GJB6: variants seen among roughly 807,000 people sequenced by gnomAD.
The protein encoded by GJB6 is gap junction protein beta 6.
A neutral mutation model predicts 5.4 loss-of-function variants in GJB6; 5 were observed. The ratio of observed to expected loss-of-function variants is 0.92; its 90% CI spans 0.48 to 1.93. GJB6 has a LOEUF of 1.93. Among genes scored for constraint, GJB6 ranks in the 30% most tolerant of loss-of-function variants. The pLI is 0.01. For missense variants in GJB6, 298 were observed against 326.9 expected (o/e 0.91, Z 0.68); for synonymous variants, 136 against 129.6 (o/e 1.05, Z -0.34).
chr13:20,228,777 C>G (rs975595112), intron 4 of GJB6, among the ~76,000 whole-genome samples: 1 of 151,976 alleles, frequency 6.6e-6, no homozygotes, highest in South Asian at 2.1e-4. Flanking sequence ...AGCCACCGCG[C>G]CCGGCCCATG....
intron 1 of GJB6, among the ~76,000 whole-genome samples, chr13:20,231,710 C>T (rs908077927): frequency 9.8e-5 from 15 of 152,318 alleles, no homozygotes; most frequent in African/African-American, 3.6e-4. Context: ...GGGGACACCC[C>T]GGTGACCCAC....
intron 4 of GJB6, among the ~76,000 whole-genome samples, chr13:20,229,123 C>CAA (rs5802041): frequency 0.045 from 1,969 of 43,782 alleles, 60 homozygotes; most frequent in Admixed American, 0.078. Context: ...TGTCATTTAG[C>CAA]AAAAAAAAAA....
chr13:20,231,765 G>C (rs1870097754), intron 1 of GJB6, among the ~76,000 whole-genome samples: 1 of 152,228 alleles, frequency 6.6e-6, no homozygotes, highest in Non-Finnish European at 1.5e-5. Context: ...ACGGGGGAAA[G>C]GGGCACCGGC....
At chr13:20,230,063 C>T (rs1869980792) in intron 3 of GJB6, 1 of 151,900 alleles carries the variant, frequency 6.6e-6, no homozygotes, top group Non-Finnish European at 1.5e-5. Context: ...CACCCTGATC[C>T]CCAAATCAGT....
Position 20,222,972 on chromosome 13 carries a change from C to T in GJB6, c.509G>A (p.Gly170Glu). The T allele has an allele frequency of 6.2e-7, 1 of 1,614,108 alleles. No individual in the cohort carries two copies. The highest frequency in any genetic ancestry group is 2.2e-5 in the East Asian group (1 of 44,884). ...AACAAGGTTGGGGCAGGGGTCAATC[C>T]CACATTTCAACACCCAGGGCAGGTG... ...GYHLPWVLKC[G>E]IDPCPNLVDC... is the part of the protein sequence containing the mutation. Residue 170 changes from glycine to glutamate, a missense_variant, in exon 5 of 5, where the codon GGG becomes GAG. Transcript: ENST00000647029.
intron 4 of GJB6, among the ~76,000 whole-genome samples, chr13:20,228,483 TTTG>T (rs774187492): frequency 0.13 from 18,706 of 142,732 alleles, 1,754 homozygotes; most frequent in East Asian, 0.28. Flanking sequence ...GTTTTTTGTT[TTTG>T]TTTTTTGTTT....
intron 1 of GJB6, among the ~76,000 whole-genome samples, chr13:20,231,751 T>C (rs1870097010): frequency 6.6e-6 from 1 of 152,098 alleles, no homozygotes; most frequent in African/African-American, 2.4e-5. Context: ...ACGCAGCAAA[T>C]GAAACGGGGG....
At chr13:20,224,290 C>G (rs936306469) in intron 4 of GJB6, among the ~76,000 whole-genome samples, 1 of 152,208 alleles carries the variant, frequency 6.6e-6, no homozygotes, top group African/African-American at 2.4e-5. Context: ...AAACAAAATA[C>G]TTATTAGCTT....
At position 20,222,983 on chromosome 13, in the gene GJB6, C is replaced by T. The variant is rs767044398; in HGVS notation, c.498G>A (p.Val166=). The change falls in exon 5 of 5, where the codon GTG becomes GTA. Residue 166 remains valine, a synonymous_variant. Transcript: ENST00000647029. ...FLYNGYHLPW[V]LKCGIDPCPN... is the part of the protein sequence containing the mutation. ...GGCAGGGGTCAATCCCACATTTCAA[C>T]ACCCAGGGCAGGTGGTACCCATTGT... The T allele has an allele frequency of 7.4e-6, 12 of 1,614,042 alleles. No homozygotes were observed. The highest frequency in any genetic ancestry group is 1.0e-5 in the Non-Finnish European group (12 of 1,180,022).
At position 20,223,145 on chromosome 13, in the gene GJB6, C is replaced by T; in HGVS notation, c.336G>A (p.Arg112=). The change falls in exon 5 of 5, where the codon AGG becomes AGA. Residue 112 remains arginine, a synonymous_variant. Coordinates refer to ENST00000647029, the MANE Select transcript of GJB6 (RefSeq NM_001110219.3). ...TGTCCTCTATGTCTTTGAAATCATT[C>T]CTCTTCTCTCCTCGCCTGAACTTGC... ...TTRKFRRGEK[R]NDFKDIEDIK... The T allele has an allele frequency of 6.2e-7, 1 of 1,614,086 alleles. No homozygotes were observed. Among genetic ancestry groups the T allele is most frequent in the Non-Finnish European group, 8.5e-7 (1 of 1,179,914 alleles).
chr13:20,226,742 A>C (rs1411313539), intron 4 of GJB6, among the ~76,000 whole-genome samples: 3 of 152,232 alleles, frequency 2.0e-5, no homozygotes, highest in African/African-American at 7.2e-5. Flanking sequence ...TATAAAATGA[A>C]GATGTTTTCT....
In GJB6 at chr13:20,223,374, A is replaced by G; in HGVS notation, c.107T>C (p.Leu36Pro). Residue 36 changes from leucine to proline, a missense_variant, in exon 5 of 5, where the codon CTC becomes CCC. Leu to Pro is a moderately conservative substitution (Grantham distance 98, BLOSUM62 -3). Transcript: ENST00000647029. ...CCACACTTCCTGGGCAGCCACCACG[A>G]GGATCATGACTCGGAAAATAAAGAT... is the stretch of plus-strand genomic sequence containing the variant. The part of the protein sequence containing the change: ...TVIFIFRVMI[L>P]VVAAQEVWGD... 4 of 1,614,184 alleles carry G rather than the reference A, an allele frequency of 2.5e-6. No individual in the cohort carries two copies. The highest frequency in any genetic ancestry group is 3.4e-6 in the Non-Finnish European group (4 of 1,180,018).
intron 4 of GJB6, among the ~76,000 whole-genome samples, chr13:20,227,766 C>T (rs1869696638): frequency 6.6e-6 from 1 of 152,248 alleles, no homozygotes; most frequent in Non-Finnish European, 1.5e-5. Context: ...TGCGGGTTAT[C>T]AAGCCCCCAA....
intron 4 of GJB6, among the ~76,000 whole-genome samples, chr13:20,225,941 G>C (rs558180037): frequency 6.6e-6 from 1 of 152,104 alleles, no homozygotes; most frequent in African/African-American, 2.4e-5. Context: ...CCTTATCAGC[G>C]GGACATCAGC....
chr13:20,231,708 C>G (rs1410238269), intron 1 of GJB6, among the ~76,000 whole-genome samples: 1 of 152,184 alleles, frequency 6.6e-6, no homozygotes, highest in African/African-American at 2.4e-5. Context: ...AAGGGGACAC[C>G]CCGGTGACCC....
intron 4 of GJB6, among the ~76,000 whole-genome samples, chr13:20,228,777 C>T (rs975595112): frequency 2.6e-5 from 4 of 151,976 alleles, no homozygotes; most frequent in Admixed American, 2.0e-4. Context: ...AGCCACCGCG[C>T]CCGGCCCATG....
In GJB6 at chr13:20,222,942, C is replaced by A; in HGVS notation, c.539G>T (p.Cys180Phe). The part of the protein sequence containing the change: ...GIDPCPNLVD[C>F]FISRPTEKTV... ...CTTCTCTGTTGGCCTAGAAATAAAG[C>A]AGTCAACAAGGTTGGGGCAGGGGTC... The change falls in exon 5 of 5, where the codon TGC becomes TTC. Residue 180 changes from cysteine to phenylalanine, a missense_variant. Transcript: ENST00000647029. 1 of 1,614,098 alleles carries A rather than the reference C, an allele frequency of 6.2e-7. No individual in the cohort carries two copies. Among genetic ancestry groups the A allele is most frequent in the Non-Finnish European group, 8.5e-7 (1 of 1,179,978 alleles).
At position 20,232,287 on chromosome 13, in the gene GJB6, CTGTCGGGCTCTCGTCGGGTTTCGGG is replaced by C. The variant is rs914832592; in HGVS notation, c.-538_-514del. 3.3e-5 allele frequency: 5 copies of C among 152,080 alleles called. No individual in the cohort carries two copies. Among genetic ancestry groups the C allele is most frequent in the African/African-American group, 1.2e-4 (5 of 41,532 alleles). 9.4% of individuals were successfully genotyped at this position (152,080 alleles called of 1,614,324 possible). On this transcript the variant is annotated 5_prime_UTR_variant, in exon 1 of 5. Coordinates refer to ENST00000647029, the MANE Select transcript of GJB6 (RefSeq NM_001110219.3). ...GCAGGTCGGGCTCGGGCGCCGCCGG[CTGTCGGGCTCTCGTCGGGTTTCGGG>C]TGAAGGCCCCGGCTCCCACCTGCTG...
At chr13:20,227,456 A>G (rs1869671274) in intron 4 of GJB6, among the ~76,000 whole-genome samples, 1 of 152,152 alleles carries the variant, frequency 6.6e-6, no homozygotes, top group South Asian at 2.1e-4. Flanking sequence ...CAAGAGCCAC[A>G]AAGGCCCTGT....
Sources: allele counts gnomAD v4.1 joint callset (sites outside exome capture counted in the v4.1 genomes callset), GRCh38; gene constraint gnomAD v4.1.1; transcripts MANE v1.5; gene names NCBI Gene and HGNC (gene_info 2026-07-23, HGNC 2026-07-21).